Variants in ZNF208 observed in about 807,000 individuals in gnomAD.
ZNF208 encodes zinc finger protein 208, also known as zinc finger protein 95.
In ZNF208, 10 loss-of-function variants were observed where a neutral mutation model predicts 12.1. The observed-to-expected ratio is 0.83, with a 90% CI of 0.51 to 1.40. The LOEUF is 1.40. ZNF208 is among the 40% of genes most tolerant of loss of function. ZNF208 has a pLI of 0.00. For missense variants in ZNF208, 1,652 were observed against 1,485.0 expected, an observed-to-expected ratio of 1.11 and a Z score of -1.85; for synonymous variants, 497 against 488.4, an observed-to-expected ratio of 1.02 and a Z score of -0.23.
chr19:21,977,517 T>C (rs1185011414), intron 3 of ZNF208, among the ~76,000 whole-genome samples: 2 of 152,170 alleles, frequency 1.3e-5, no homozygotes, highest in Non-Finnish European at 2.9e-5. Context: ...GTTTAGGGAC[T>C]GTACCATGAA....
intron 1 of ZNF208, among the ~76,000 whole-genome samples, chr19:21,990,948 T>C (rs951271450): frequency 2.3e-4 from 35 of 152,220 alleles, no homozygotes; most frequent in Non-Finnish European, 4.3e-4. Context: ...TTTTTGTACA[T>C]TGATTTTGTA....
chr19:21,960,183 T>G (rs1303795237), intron 4 of ZNF208, among the ~76,000 whole-genome samples: 1 of 152,130 alleles, frequency 6.6e-6, no homozygotes, highest in Non-Finnish European at 1.5e-5. Context: ...AAAATTGTTG[T>G]TTCACTAATC....
At chr19:21,997,696 G>A (rs1300762798) in intron 1 of ZNF208, 1 of 165,176 alleles carries the variant, frequency 6.1e-6, no homozygotes, top group Non-Finnish European at 1.2e-5. Flanking sequence ...AGGCCTCCTG[G>A]GTAGAATTGC....
At chr19:21,998,651 G>A (rs1970884396) in intron 1 of ZNF208, 1 of 152,034 alleles carries the variant, frequency 6.6e-6, no homozygotes, top group South Asian at 2.1e-4. Flanking sequence ...GTCCAGGCTG[G>A]TCTCAAACTC....
At chr19:21,977,533 G>A (rs191787176) in intron 3 of ZNF208, among the ~76,000 whole-genome samples, 45 of 152,288 alleles carry the variant, frequency 3.0e-4, no homozygotes, top group Admixed American at 1.2e-3. Flanking sequence ...ATGAAGAACC[G>A]TGCTCTCCAG....
intron 4 of ZNF208, among the ~76,000 whole-genome samples, chr19:21,959,600 T>C (rs1970031713): frequency 6.6e-6 from 1 of 152,146 alleles, no homozygotes; most frequent in South Asian, 2.1e-4. Flanking sequence ...AAAATGCCTT[T>C]GAGGGGGGAA....
chr19:21,948,918 A>T (rs1283258642), intron 4 of ZNF208, among the ~76,000 whole-genome samples: 1 of 152,204 alleles, frequency 6.6e-6, no homozygotes, highest in Non-Finnish European at 1.5e-5. Context: ...AAATATTCTA[A>T]TTGGAGTCCT....
In ZNF208 at chr19:21,970,281, C is replaced by T. The variant is rs1355118398; in HGVS notation, c.*910G>A. The stretch of plus-strand genomic sequence containing the variant: ...TCTTCACACATGCATGGTTTCTCTC[C>T]AGTATGAGTTGTCTTATATGTAGTA... On this transcript the variant is annotated 3_prime_UTR_variant, in exon 4 of 4. Transcript: ENST00000397126. 6.6e-6 allele frequency among the ~76,000 whole-genome samples: 1 copy of T among 152,082 alleles called. No homozygotes were observed. The highest frequency in any genetic ancestry group is 1.9e-4 in the East Asian group (1 of 5,180).
intron 3 of ZNF208, among the ~76,000 whole-genome samples, chr19:21,978,264 G>GT (rs1568447583): frequency 6.6e-6 from 1 of 152,036 alleles, no homozygotes; most frequent in East Asian, 1.9e-4. Context: ...CCTGACACCC[G>GT]TGTCTCCTGA....
In ZNF208 at chr19:21,966,446, T is replaced by C. The variant is rs1970168760; in HGVS notation, c.*4745A>G. 1 of 152,146 alleles carries C rather than the reference T, an allele frequency of 6.6e-6. No homozygotes were observed. The highest frequency in any genetic ancestry group is 2.4e-5 in the African/African-American group (1 of 41,456). The allele number at this position is 152,146 out of a possible 1,614,324, so 9.4% of individuals were successfully genotyped here. A position where few individuals can be genotyped will look rare whatever the true frequency, so the allele number is the denominator to read the frequency against. On this transcript the variant is annotated 3_prime_UTR_variant, in exon 4 of 4. Transcript: ENST00000397126. ...CTGCAAAAGACGTTACTTCATTCTC[T>C]TCTGTTGCTGCATAGTATTGGAGGT...
In ZNF208 at chr19:21,974,335, T is replaced by C. The variant is rs766609595; in HGVS notation, c.699A>G (p.Glu233=). The change falls in exon 4 of 4, where the codon GAA becomes GAG. Residue 233 remains glutamate, a synonymous_variant. Transcript: ENST00000397126. The part of the protein sequence containing the change: ...HTGEKPYRCK[E]CGKAFSKFSI... ...AGAACTTACTAAAGGCTTTGCCACATTCTTTACATCTGTAGGGTTTCTCTC... is the reference window on the plus strand; with the variant it reads ...AGAACTTACTAAAGGCTTTGCCACACTCTTTACATCTGTAGGGTTTCTCTC... 5.0e-6 allele frequency: 8 copies of C among 1,613,618 alleles called. No individual in the cohort carries two copies. Among genetic ancestry groups the C allele is most frequent in the Middle Eastern group, 3.3e-4 (2 of 6,078 alleles).
downstream of ZNF208, among the ~76,000 whole-genome samples, chr19:21,962,646 G>A (rs560177261): frequency 2.6e-5 from 4 of 152,132 alleles, no homozygotes; most frequent in East Asian, 1.9e-4. Context: ...ACTTCCACTT[G>A]CTATTAGTCA....
intron 1 of ZNF208, among the ~76,000 whole-genome samples, chr19:22,008,701 T>G (rs1231305725): frequency 6.6e-6 from 1 of 152,140 alleles, no homozygotes; most frequent in Non-Finnish European, 1.5e-5. Context: ...TGAACAGCAA[T>G]ATGTCTCCAA....
At chr19:21,952,593 G>T (rs888108823) in intron 4 of ZNF208, among the ~76,000 whole-genome samples, 2 of 152,158 alleles carry the variant, frequency 1.3e-5, no homozygotes, top group East Asian at 3.8e-4. Flanking sequence ...CTGTTAGAAA[G>T]AAAACCAGCA....
chr19:22,008,308 AAAAAAAAAG>A (rs1971085034), intron 1 of ZNF208, among the ~76,000 whole-genome samples: 1 of 151,514 alleles, frequency 6.6e-6, no homozygotes, highest in Non-Finnish European at 1.5e-5. Flanking sequence ...ATCTCAAAAA[AAAAAAAAAG>A]AAAAAAAAAA....
chr19:21,958,956 C>T (rs1213815682), intron 4 of ZNF208, among the ~76,000 whole-genome samples: 1 of 152,000 alleles, frequency 6.6e-6, no homozygotes, highest in Admixed American at 6.6e-5. Flanking sequence ...ATGGCACACA[C>T]CTGTAATCCC....
intron 1 of ZNF208, among the ~76,000 whole-genome samples, chr19:21,995,700 C>T (rs188778305): frequency 6.6e-6 from 1 of 152,274 alleles, no homozygotes; most frequent in Admixed American, 6.5e-5. Flanking sequence ...GACTCTACTC[C>T]AGTATCACAT....
intron 1 of ZNF208, among the ~76,000 whole-genome samples, chr19:21,999,850 C>T (rs925872004): frequency 2.5e-4 from 38 of 152,114 alleles, no homozygotes; most frequent in African/African-American, 9.2e-4. Context: ...TAAAAATCAG[C>T]AAGTTATCCT....
At chr19:22,004,929 A>T (rs1413016335) in intron 1 of ZNF208, among the ~76,000 whole-genome samples, 1 of 152,224 alleles carries the variant, frequency 6.6e-6, no homozygotes, top group Non-Finnish European at 1.5e-5. Flanking sequence ...AAGTTAAAAG[A>T]AAACAAAGTC....
Sources: allele counts gnomAD v4.1 joint callset (sites outside exome capture counted in the v4.1 genomes callset), GRCh38; gene constraint gnomAD v4.1.1; transcripts MANE v1.5; gene names NCBI Gene and HGNC (gene_info 2026-07-23, HGNC 2026-07-21).